The following M1AP variants were observed in gnomAD, a reference collection of about 807,000 sequenced individuals.
M1AP encodes meiosis 1 associated protein.
In M1AP, 39 loss-of-function variants were observed where a neutral mutation model predicts 51.2. The observed-to-expected ratio is 0.76, with a 90% CI of 0.59 to 1.00. The LOEUF (loss-of-function observed/expected upper bound fraction) is 1.00. Among genes scored for constraint, M1AP ranks in the 50% least tolerant of loss-of-function variants. M1AP has a pLI of 0.00. For missense variants in M1AP, 545 were observed against 641.2 expected, an observed-to-expected ratio of 0.85 and a Z score of 1.62; for synonymous variants, 251 against 249.2, an observed-to-expected ratio of 1.01 and a Z score of -0.07.
At chr2:74,569,899 TGTGTGCATGC>T in intron 7 of M1AP, among the ~76,000 whole-genome samples, 1 of 148,120 alleles carries the variant, frequency 6.8e-6, no homozygotes. Context: ...TGTATGTGTG[TGTGTGCATGC>T]GTGTGTGTGT....
intron 4 of M1AP, among the ~76,000 whole-genome samples, chr2:74,588,266 T>C (rs758166489): frequency 6.6e-6 from 1 of 151,964 alleles, no homozygotes; most frequent in East Asian, 1.9e-4. Flanking sequence ...TTTGGTGGGG[T>C]GGGGGAAGGG....
At position 74,558,506 on chromosome 2, in the gene M1AP, T is replaced by G. The variant is rs930582194; in HGVS notation, c.*210A>C. On this transcript the variant is annotated 3_prime_UTR_variant, in exon 11 of 11. Transcript: ENST00000421985. ...TGATTCTAAAGAAAATGAAAGTCCT[T>G]GCTGGAGAAAGGACAGGCTCGGGTG... The G allele has an allele frequency of 5.5e-6, 3 of 544,850 alleles. No individual in the cohort carries two copies. The highest frequency in any genetic ancestry group is 9.5e-6 in the Non-Finnish European group (3 of 315,732). 33.8% of individuals were successfully genotyped at this position (544,850 alleles called of 1,614,324 possible).
At chr2:74,628,776 A>G in intron 2 of M1AP, 1 of 514,766 alleles carries the variant, frequency 1.9e-6, no homozygotes, top group Admixed American at 2.2e-5. Flanking sequence ...GCTGCTGAGT[A>G]ACTCACAGAG....
chr2:74,604,755 T>C (rs1013641844), intron 4 of M1AP, among the ~76,000 whole-genome samples: 2 of 152,214 alleles, frequency 1.3e-5, no homozygotes, highest in African/African-American at 2.4e-5. Flanking sequence ...TTTGTGCTTA[T>C]TTGCATTTTT....
chr2:74,618,635 T>C (rs1017041531), intron 2 of M1AP, among the ~76,000 whole-genome samples: 1 of 152,210 alleles, frequency 6.6e-6, no homozygotes, highest in African/African-American at 2.4e-5. Flanking sequence ...TATCTTTAAC[T>C]GCAATTAACA....
chr2:74,611,995 G>A (rs537756329), intron 3 of M1AP, among the ~76,000 whole-genome samples: 356 of 119,254 alleles, frequency 3.0e-3, no homozygotes, highest in Admixed American at 5.3e-3. Flanking sequence ...CCAGGTTCAC[G>A]CCATTCTCCT....
intron 4 of M1AP, among the ~76,000 whole-genome samples, chr2:74,599,724 T>C (rs1047510731): frequency 1.3e-5 from 2 of 152,116 alleles, no homozygotes; most frequent in African/African-American, 2.4e-5. Context: ...TTCTAAAATA[T>C]AGAATACATA....
chr2:74,603,993 G>A (rs1050456626), intron 4 of M1AP, among the ~76,000 whole-genome samples: 2 of 152,180 alleles, frequency 1.3e-5, no homozygotes, highest in African/African-American at 4.8e-5. Flanking sequence ...AGGGTGAACT[G>A]TAACTTGAAT....
rs202200009 is a variant in M1AP at position 74,596,586 on chromosome 2, G to GAACAACAAC, written c.595+10460_595+10468dup. On this transcript the variant is annotated intron_variant, in intron 4 of 10. Coordinates refer to ENST00000421985, the MANE Select transcript of M1AP (RefSeq NM_001321739.2). The stretch of plus-strand genomic sequence containing the variant: ...AAAAGAGCGAGACTCCATCTCAAAA[G>GAACAACAAC]AACAACAACAACAACAACAACAACA... Among the ~76,000 whole-genome samples the GAACAACAAC allele has an allele frequency of 1.1e-4, 16 of 150,690 alleles. No individual in the cohort carries two copies. In the East Asian group the frequency reaches 2.4e-3, roughly 22 times the overall value.
chr2:74,610,163 G>A (rs2104715953), intron 3 of M1AP, among the ~76,000 whole-genome samples: 1 of 150,338 alleles, frequency 6.7e-6, no homozygotes, highest in South Asian at 2.1e-4. Context: ...CACCATGCCT[G>A]GCTTATTTTT....
rs907198461 is a variant in M1AP, at chr2:74,575,527, T to A, written c.985A>T (p.Ile329Phe). The stretch of plus-strand genomic sequence containing the variant: ...TGCCAACAGCTTGTAGGTCTGAGGA[T>A]GAACGGGAGTCCATATGTCAATGAC... ...CESLTYGLPF[I>F]LRPTSCWQLD... The change falls in exon 7 of 11, where the codon ATC becomes TTC. Residue 329 changes from isoleucine (I) to phenylalanine (F), a missense_variant. Physicochemically the swap from Ile to Phe is conservative, Grantham distance 21. Coordinates refer to ENST00000421985, the MANE Select transcript of M1AP (RefSeq NM_001321739.2). 2 of 1,614,218 alleles carry A rather than the reference T, an allele frequency of 1.2e-6. No individual in the cohort carries two copies.
At chr2:74,607,294 AC>A in intron 3 of M1AP, 71 bp from the exon 4 acceptor site, 1 of 1,444,500 alleles carries the variant, frequency 6.9e-7, no homozygotes, top group East Asian at 2.3e-5. Context: ...AACAGTTCCT[AC>A]CCGGAGGATA....
At chr2:74,636,909 C>T (rs181509609) in intron 2 of M1AP, among the ~76,000 whole-genome samples, 2 of 152,280 alleles carry the variant, frequency 1.3e-5, no homozygotes, top group East Asian at 3.9e-4. Flanking sequence ...ATAGTTTTTA[C>T]ATGATGTGCC....
intron 2 of M1AP, among the ~76,000 whole-genome samples, chr2:74,620,140 T>C (rs1415200469): frequency 1.3e-5 from 2 of 152,170 alleles, no homozygotes; most frequent in Admixed American, 1.3e-4. Context: ...CACCTAATAG[T>C]GGGAATATTA....
chr2:74,575,325 T>A (rs1678992458), intron 7 of M1AP, 113 bp downstream of exon 7: 1 of 1,518,660 alleles, frequency 6.6e-7, no homozygotes, highest in Non-Finnish European at 8.8e-7. Context: ...GTTTTTTCTG[T>A]CTTCTTGAGG....
chr2:74,593,946 A>C (rs1472898544), intron 4 of M1AP, among the ~76,000 whole-genome samples: 1 of 152,344 alleles, frequency 6.6e-6, no homozygotes, highest in East Asian at 1.9e-4. Flanking sequence ...GAAGAAATCC[A>C]TGAAAGGAGA....
chr2:74,641,099 G>A (rs1040935700), intron 1 of M1AP, among the ~76,000 whole-genome samples: 2 of 151,992 alleles, frequency 1.3e-5, no homozygotes, highest in African/African-American at 4.8e-5. Flanking sequence ...ATTTCTCCTT[G>A]GTTAAAATTC....
chr2:74,561,142 A>AAGG (rs1677937936), intron 8 of M1AP, among the ~76,000 whole-genome samples: 17 of 21,338 alleles, frequency 8.0e-4, no homozygotes, highest in Admixed American at 1.9e-3. Context: ...GGAGGAGGAG[A>AAGG]AGGAGGAGGA....
In M1AP at chr2:74,581,861, G is replaced by T; in HGVS notation, c.596-14C>A. 1 of 1,596,026 alleles carries T rather than the reference G, an allele frequency of 6.3e-7. No homozygotes were observed. Among genetic ancestry groups the T allele is most frequent in the South Asian group, 1.1e-5 (1 of 89,984 alleles). On this transcript the variant is annotated splice_polypyrimidine_tract_variant and intron_variant, in intron 4 of 10. Coordinates refer to ENST00000421985, the MANE Select transcript of M1AP (RefSeq NM_001321739.2). ...GAATAGAACTCTCTGCAAAAGAAAGGGAAATAAAGTGTTCACTTAGATTGT... is the reference window on the plus strand; with the variant it reads ...GAATAGAACTCTCTGCAAAAGAAAGTGAAATAAAGTGTTCACTTAGATTGT...
Sources: allele counts gnomAD v4.1 joint callset (sites outside exome capture counted in the v4.1 genomes callset), GRCh38; gene constraint gnomAD v4.1.1; transcripts MANE v1.5; gene names NCBI Gene and HGNC (gene_info 2026-07-23, HGNC 2026-07-21).